PPM1B: variants seen among roughly 807,000 people sequenced by gnomAD.
PPM1B encodes the protein protein phosphatase 1B.
In PPM1B, 22 loss-of-function variants were observed where a neutral mutation model predicts 43.0. The observed-to-expected ratio is 0.51, with a 90% confidence interval of 0.37 to 0.73. The LOEUF (loss-of-function observed/expected upper bound fraction) is 0.73. Among genes scored for constraint, PPM1B ranks in the 30% least tolerant of loss-of-function variants. The probability of loss-of-function intolerance (pLI) is 0.00; values close to 1 mark genes in which losing one functional copy is unlikely to be tolerated. For synonymous variants in PPM1B, 217 were observed against 197.9 expected (o/e 1.10, Z -0.81); for missense variants, 632 against 584.2 (o/e 1.08, Z -0.84).
intron 5 of PPM1B, among the ~76,000 whole-genome samples, chr2:44,242,823 AT>A (rs1217185195): frequency 6.6e-6 from 1 of 152,044 alleles, no homozygotes; most frequent in Admixed American, 6.6e-5. Context: ...ATTTTTCTTG[AT>A]TTGTGAGAGC....
chr2:44,243,742 G>A (rs1670799273), intron 5 of PPM1B, among the ~76,000 whole-genome samples: 1 of 152,034 alleles, frequency 6.6e-6, no homozygotes, highest in South Asian at 2.1e-4. Context: ...AATTATCATA[G>A]TTTTACTATA....
intron 5 of PPM1B, chr2:44,230,073 CTAAAT>C: frequency 1.3e-6 from 2 of 1,541,630 alleles, no homozygotes; most frequent in Non-Finnish European, 1.7e-6. Context: ...TTCTTTTGTA[CTAAAT>C]CATATAGCCA....
chr2:44,184,674 CCTT>C (rs571138499), intron 1 of PPM1B, among the ~76,000 whole-genome samples: 48 of 152,022 alleles, frequency 3.2e-4, no homozygotes, highest in Admixed American at 1.6e-3. Context: ...ATTATGCCTC[CCTT>C]CTTCTCCCCT....
rs1197357446 is a variant in PPM1B, at chr2:44,202,339, A to C, written c.846+294A>C. Among the ~76,000 whole-genome samples the C allele has an allele frequency of 2.0e-5, 3 of 152,206 alleles. No individual in the cohort carries two copies. In the East Asian group the frequency reaches 5.8e-4, roughly 29 times the overall value. ...AGAGTGACTTTTTCTTGACATTGGC[A>C]GTAACCATCTTATGCCTGATTATGA... On this transcript the variant is annotated intron_variant, in intron 2 of 5. Coordinates refer to ENST00000282412, the MANE Select transcript of PPM1B (RefSeq NM_002706.6).
intron 1 of PPM1B, among the ~76,000 whole-genome samples, chr2:44,191,250 G>T (rs1432620562): frequency 2.0e-5 from 3 of 152,078 alleles, no homozygotes; most frequent in East Asian, 1.9e-4. Context: ...GTCTCGTTCT[G>T]TTGCCCAGGC....
At chr2:44,179,339 A>G (rs776197618) in intron 1 of PPM1B, among the ~76,000 whole-genome samples, 4 of 152,244 alleles carry the variant, frequency 2.6e-5, no homozygotes, top group Non-Finnish European at 5.9e-5. Flanking sequence ...TTAAATATTT[A>G]AAATCCATTG....
At chr2:44,236,466 G>A (rs1670617476), downstream of PPM1B, among the ~76,000 whole-genome samples, 1 of 146,258 alleles carries the variant, frequency 6.8e-6, no homozygotes, top group South Asian at 2.2e-4. Context: ...AAATAATGGC[G>A]CTGTCTTGCT....
intron 1 of PPM1B, among the ~76,000 whole-genome samples, chr2:44,188,425 T>C (rs1289688175): frequency 6.7e-6 from 1 of 149,590 alleles, no homozygotes; most frequent in Non-Finnish European, 1.5e-5. Context: ...AGACAGGGTC[T>C]TGCTTTGTTG....
At chr2:44,239,714 T>G (rs1372392885) in intron 5 of PPM1B, among the ~76,000 whole-genome samples, 1 of 152,094 alleles carries the variant, frequency 6.6e-6, no homozygotes, top group East Asian at 1.9e-4. Context: ...AGCACATATA[T>G]TTAGGTTTTT....
chr2:44,238,539 T>TA (rs2104291653), downstream of PPM1B, among the ~76,000 whole-genome samples: 1 of 151,972 alleles, frequency 6.6e-6, no homozygotes, highest in Non-Finnish European at 1.5e-5. Context: ...CCGTCTCTAC[T>TA]AAAAATAGAA....
At chr2:44,212,029 C>T (rs1430216821) in intron 3 of PPM1B, among the ~76,000 whole-genome samples, 2 of 152,020 alleles carry the variant, frequency 1.3e-5, no homozygotes, top group African/African-American at 2.4e-5. Flanking sequence ...GGATTACAGG[C>T]GTGAATCACC....
chr2:44,231,492 T>A (rs1670467819), downstream of PPM1B: 1 of 955,656 alleles, frequency 1.0e-6, no homozygotes, highest in Admixed American at 6.2e-5. Context: ...TACTTATTTT[T>A]GAATTAATTT....
intron 1 of PPM1B, among the ~76,000 whole-genome samples, chr2:44,174,103 T>C (rs1477464940): frequency 6.6e-6 from 1 of 152,276 alleles, no homozygotes; most frequent in Non-Finnish European, 1.5e-5. Context: ...TTTTGATTTA[T>C]CACACAGTTT....
At chr2:44,209,760 G>C (rs553349726) in intron 3 of PPM1B, among the ~76,000 whole-genome samples, 48 of 145,234 alleles carry the variant, frequency 3.3e-4, no homozygotes, top group African/African-American at 1.1e-3. Context: ...CTGGGCAACA[G>C]AGTGAGACTC....
At chr2:44,234,549 T>C (rs1670560827), downstream of PPM1B, 6 of 983,966 alleles carry the variant, frequency 6.1e-6, no homozygotes, top group Non-Finnish European at 7.2e-6. Context: ...AAAAAACTTT[T>C]CCGGCAGGGG....
At chr2:44,220,634 C>G (rs1037629970) in intron 5 of PPM1B, among the ~76,000 whole-genome samples, 2 of 152,236 alleles carry the variant, frequency 1.3e-5, no homozygotes, top group African/African-American at 4.8e-5. Context: ...GTGACCCCAC[C>G]TGTGTGTCTA....
rs1232344004 is a variant in PPM1B, at chr2:44,201,671, A to C, written c.472A>C (p.Arg158=). 1.2e-6 allele frequency: 2 copies of C among 1,614,264 alleles called. No individual in the cohort carries two copies. The highest frequency in any genetic ancestry group is 4.5e-5 in the East Asian group (2 of 44,888). ...NCGDSRAVLY[R]NGQVCFSTQD... ...TGGTGATTCACGTGCTGTTCTGTAT[A>C]GGAATGGACAAGTCTGCTTTTCTAC... The change falls in exon 2 of 6, where the codon AGG becomes CGG. Residue 158 remains arginine, a synonymous_variant. Coordinates refer to ENST00000282412, the MANE Select transcript of PPM1B (RefSeq NM_002706.6). This position sits in a 1 kb window ranked among gnomAD's most constrained non-coding sequence, Gnocchi z 5.4.
At chr2:44,244,950 G>C (rs916071561), downstream of PPM1B, among the ~76,000 whole-genome samples, 2 of 151,128 alleles carry the variant, frequency 1.3e-5, no homozygotes, top group African/African-American at 4.9e-5. Flanking sequence ...ACGTGAATCT[G>C]GCAGTTGAGA....
chr2:44,202,921 C>G (rs1338762662), intron 2 of PPM1B, among the ~76,000 whole-genome samples: 1 of 152,100 alleles, frequency 6.6e-6, no homozygotes, highest in Non-Finnish European at 1.5e-5. Context: ...TGGCCAGTGT[C>G]TGGAGTGTGT....
Sources: allele counts gnomAD v4.1 joint callset (sites outside exome capture counted in the v4.1 genomes callset), GRCh38; gene constraint gnomAD v4.1.1; non-coding constraint Gnocchi (gnomAD v3.1); transcripts MANE v1.5; gene names NCBI Gene and HGNC (gene_info 2026-07-23, HGNC 2026-07-21).